LYST: variants seen among roughly 807,000 people sequenced by gnomAD.
LYST encodes lysosomal trafficking regulator, also known as lysosomal-trafficking regulator.
In LYST, 192 loss-of-function variants were observed where a neutral mutation model predicts 413.6. The observed-to-expected ratio is 0.46, with a 90% CI of 0.41 to 0.52. The LOEUF (loss-of-function observed/expected upper bound fraction) is 0.52. LYST is among the 20% of genes least tolerant of loss of function. The probability of loss-of-function intolerance (pLI) is 0.00; values close to 1 mark genes in which losing one functional copy is unlikely to be tolerated. For synonymous variants in LYST, 1,525 were observed against 1,567.3 expected (o/e 0.97, Z 0.64); for missense variants, 3,815 against 4,499.9 (o/e 0.85, Z 4.35).
intron 2 of LYST, among the ~76,000 whole-genome samples, chr1:235,831,230 G>T (rs558621436): frequency 2.4e-4 from 36 of 152,260 alleles, no homozygotes; most frequent in African/African-American, 7.5e-4. Flanking sequence ...CGCTTCAGGG[G>T]GAAGCCCTCC....
chr1:235,702,447 T>C (rs1661620798), intron 45 of LYST, among the ~76,000 whole-genome samples: 1 of 152,198 alleles, frequency 6.6e-6, no homozygotes, highest in Admixed American at 6.5e-5. Flanking sequence ...TGAAAAATCC[T>C]ATTATGTCAC....
At chr1:235,733,181 T>C (rs2103219824) in intron 34 of LYST, among the ~76,000 whole-genome samples, 1 of 152,296 alleles carries the variant, frequency 6.6e-6, no homozygotes, top group East Asian at 1.9e-4. Flanking sequence ...GTAATACATA[T>C]TTTAAATTAG....
At chr1:235,698,192 T>G (rs772066540) in intron 45 of LYST, among the ~76,000 whole-genome samples, 5 of 152,154 alleles carry the variant, frequency 3.3e-5, no homozygotes, top group Non-Finnish European at 7.3e-5. Context: ...TACTTTCAAC[T>G]CTTCAGAGGA....
At chr1:235,852,854 G>C (rs780873721) in intron 1 of LYST, 2 of 166,940 alleles carry the variant, frequency 1.2e-5, no homozygotes, top group Non-Finnish European at 2.9e-5. Context: ...CCAAAAGTCA[G>C]AGGACTTAAC....
At chr1:235,763,627 CTTTTTTTTTT>C (rs1250694798) in intron 21 of LYST, among the ~76,000 whole-genome samples, 3 of 148,026 alleles carry the variant, frequency 2.0e-5, no homozygotes, top group African/African-American at 7.5e-5. Flanking sequence ...CTTTTTTTTT[CTTTTTTTTTT>C]AAGGAGAGAC....
intron 38 of LYST, among the ~76,000 whole-genome samples, chr1:235,724,774 T>C (rs1663698965): frequency 6.6e-6 from 1 of 152,210 alleles, no homozygotes; most frequent in Admixed American, 6.5e-5. Flanking sequence ...AATTATACAG[T>C]ATATAGCCTT....
At chr1:235,806,853 T>A in intron 5 of LYST, 81 bp from the exon 6 acceptor site, 1 of 916,024 alleles carries the variant, frequency 1.1e-6, no homozygotes, top group Non-Finnish European at 1.7e-6. Flanking sequence ...ATTTAATATA[T>A]CGCTATTGCA....
intron 3 of LYST, among the ~76,000 whole-genome samples, chr1:235,818,297 A>G (rs1240717859): frequency 6.6e-6 from 1 of 152,016 alleles, no homozygotes; most frequent in African/African-American, 2.4e-5. Context: ...CACATAAAGG[A>G]GTTCAGGTTT....
chr1:235,782,234 T>A, intron 14 of LYST, 147 bp from the exon 15 acceptor site: 1 of 681,950 alleles, frequency 1.5e-6, no homozygotes, highest in East Asian at 2.9e-5. Flanking sequence ...GTTGGCACGA[T>A]CTCAGCTCAC....
In LYST at chr1:235,674,835, G is replaced by A. The variant is rs767229494; in HGVS notation, c.11038+2256C>T. Among the ~76,000 whole-genome samples the A allele has an allele frequency of 7.2e-5, 11 of 152,192 alleles. No individual in the cohort carries two copies. Among genetic ancestry groups the A allele is most frequent in the Middle Eastern group, 3.4e-3 (1 of 294 alleles). ...TACCACCCTAGCAAATAAATTAGCC[G>A]AAAAGTCATAGAAAAATGGTTTAGA... On this transcript the variant is annotated intron_variant, in intron 50 of 52. Coordinates refer to ENST00000389793, the MANE Select transcript of LYST (RefSeq NM_000081.4). The surrounding 1 kb of genome is among the most constrained non-coding windows in gnomAD (Gnocchi z 4.1).
At chr1:235,727,111 A>ACTTT in intron 38 of LYST, among the ~76,000 whole-genome samples, 1 of 145,526 alleles carries the variant, frequency 6.9e-6, no homozygotes, top group East Asian at 2.0e-4. Flanking sequence ...TTCACTCACT[A>ACTTT]CTTTCTTTCT....
chr1:235,697,029 C>G (rs926848225), intron 46 of LYST, 54 bp downstream of exon 46: 2 of 1,549,960 alleles, frequency 1.3e-6, no homozygotes, highest in African/African-American at 2.7e-5. Flanking sequence ...GCTAGAAATA[C>G]TCAAATCTCA....
chr1:235,777,882 T>C (rs1167299079), intron 16 of LYST, among the ~76,000 whole-genome samples: 1 of 151,958 alleles, frequency 6.6e-6, no homozygotes, highest in Non-Finnish European at 1.5e-5. Context: ...CTGTCAAGAT[T>C]CTCTAAACTA....
chr1:235,679,386 TG>T (rs1234299762), intron 48 of LYST, among the ~76,000 whole-genome samples: 2 of 152,088 alleles, frequency 1.3e-5, no homozygotes, highest in Non-Finnish European at 2.9e-5. Flanking sequence ...CTTTTCTGCT[TG>T]GGTTCTGCAG....
intron 37 of LYST, 127 bp from the exon 38 acceptor site, chr1:235,728,258 C>A: frequency 1.4e-6 from 1 of 706,046 alleles, no homozygotes; most frequent in Non-Finnish European, 2.6e-6. Context: ...CAGTTCCTGG[C>A]ACTCAATAAA....
chr1:235,673,976 A>T (rs1022684142), intron 50 of LYST, among the ~76,000 whole-genome samples: 1 of 152,018 alleles, frequency 6.6e-6, no homozygotes, highest in African/African-American at 2.4e-5. Context: ...TCCCCTTTCC[A>T]CTTGGATGGT....
intron 31 of LYST, chr1:235,737,154 T>C (rs1240730273): frequency 6.6e-6 from 1 of 152,120 alleles, no homozygotes; most frequent in East Asian, 1.9e-4. Context: ...ATAACCATAA[T>C]AGTATGCTAA....
chr1:235,691,094 A>G (rs1219133811), intron 47 of LYST, among the ~76,000 whole-genome samples: 3 of 151,534 alleles, frequency 2.0e-5, no homozygotes, highest in South Asian at 4.2e-4. Flanking sequence ...TTTTTTTTGT[A>G]TTTTTAGTAG....
chr1:235,680,804 G>T (rs557234263), intron 48 of LYST, among the ~76,000 whole-genome samples: 1 of 152,078 alleles, frequency 6.6e-6, no homozygotes, highest in South Asian at 2.1e-4. Flanking sequence ...TCCCCATGTT[G>T]GCCAGGCTGG....
Sources: allele counts gnomAD v4.1 joint callset (sites outside exome capture counted in the v4.1 genomes callset), GRCh38; gene constraint gnomAD v4.1.1; non-coding constraint Gnocchi (gnomAD v3.1); transcripts MANE v1.5; gene names NCBI Gene and HGNC (gene_info 2026-07-23, HGNC 2026-07-21).